Variants in PKD1L1 observed in about 807,000 individuals in gnomAD.
PKD1L1 encodes polycystin-1-like protein 1.
A neutral mutation model predicts 323.4 loss-of-function variants in PKD1L1; 236 were observed. The ratio of observed to expected loss-of-function variants is 0.73; its 90% CI spans 0.66 to 0.81. The LOEUF (loss-of-function observed/expected upper bound fraction) is 0.81, where lower values mean the gene tolerates loss of function less well. Ranked by LOEUF, PKD1L1 falls within the 40% of genes least tolerant of loss-of-function variation. PKD1L1 has a pLI of 0.00. For synonymous variants in PKD1L1, 1,344 were observed against 1,335.0 expected, an observed-to-expected ratio of 1.01 and a Z score of -0.15; for missense variants, 3,320 against 3,508.0, an observed-to-expected ratio of 0.95 and a Z score of 1.35.
chr7:47,850,337 T>C (rs1406539479), intron 31 of PKD1L1, among the ~76,000 whole-genome samples: 5 of 152,086 alleles, frequency 3.3e-5, no homozygotes, highest in Non-Finnish European at 7.4e-5. Context: ...CATAAATTAA[T>C]GTTAAAAAAT....
intron 14 of PKD1L1, among the ~76,000 whole-genome samples, chr7:47,894,866 A>AG: frequency 6.6e-6 from 1 of 151,626 alleles, no homozygotes; most frequent in South Asian, 2.1e-4. Context: ...AAAAAAAAAA[A>AG]AAAACTGACG....
At chr7:47,841,730 C>T (rs1443722954) in intron 34 of PKD1L1, among the ~76,000 whole-genome samples, 1 of 152,140 alleles carries the variant, frequency 6.6e-6, no homozygotes, top group Non-Finnish European at 1.5e-5. Flanking sequence ...ATAGTTCCTT[C>T]ATGATGGTCT....
intron 8 of PKD1L1, among the ~76,000 whole-genome samples, chr7:47,909,481 G>A (rs1250439659): frequency 6.6e-6 from 1 of 152,136 alleles, no homozygotes; most frequent in Non-Finnish European, 1.5e-5. Flanking sequence ...CACCTACCAT[G>A]AGCCTCTTTG....
In PKD1L1 at chr7:47,825,136, C is replaced by T. The variant is rs188163925; in HGVS notation, c.6854+2214G>A. Among the ~76,000 whole-genome samples the T allele has an allele frequency of 1.1e-3, 173 of 152,320 alleles. 1 individual carries two copies. The highest frequency in any genetic ancestry group is 4.1e-3 in the African/African-American group (172 of 41,564). ...TTTTGGATTTTCACAGTTTAATTTGCAATTCTCTTACTGTAAGTGAAAGGG... is the reference window on the plus strand; with the variant it reads ...TTTTGGATTTTCACAGTTTAATTTGTAATTCTCTTACTGTAAGTGAAAGGG... On this transcript the variant is annotated intron_variant, in intron 45 of 56. Transcript: ENST00000289672.
intron 17 of PKD1L1, among the ~76,000 whole-genome samples, 185 bp downstream of exon 17, chr7:47,887,805 G>T (rs884596): frequency 6.6e-6 from 1 of 152,020 alleles, no homozygotes; most frequent in Admixed American, 6.5e-5. Flanking sequence ...CTCTTCTGCT[G>T]GTGCCTCACA....
intron 7 of PKD1L1, among the ~76,000 whole-genome samples, chr7:47,922,765 C>T (rs1346935419): frequency 2.0e-5 from 3 of 151,804 alleles, no homozygotes; most frequent in Admixed American, 6.6e-5. Flanking sequence ...GGGGCAGCCC[C>T]CACCCCGGCC....
At chr7:47,898,313 G>T (rs1787005310) in intron 13 of PKD1L1, 119 bp from the exon 14 acceptor site, 1 of 811,874 alleles carries the variant, frequency 1.2e-6, no homozygotes, top group Non-Finnish European at 1.9e-6. Context: ...CATAGTGACA[G>T]AATGGTATTC....
rs115954191 is a variant in PKD1L1, at chr7:47,825,068, G to A, written c.6854+2282C>T. On this transcript the variant is annotated intron_variant, in intron 45 of 56. Coordinates refer to ENST00000289672, the MANE Select transcript of PKD1L1 (RefSeq NM_138295.5). The stretch of plus-strand genomic sequence containing the variant: ...CATTTACACCAGCACTGTGTGAAAT[G>A]CTCTATTTGACATAGCCTCACTAAC... Among the ~76,000 whole-genome samples the A allele has an allele frequency of 4.5e-3, 689 of 152,270 alleles. 7 individuals carry two copies. The highest frequency in any genetic ancestry group is 0.015 in the African/African-American group (642 of 41,550).
intron 24 of PKD1L1, among the ~76,000 whole-genome samples, chr7:47,870,447 G>A (rs1381875556): frequency 1.3e-5 from 2 of 151,914 alleles, no homozygotes; most frequent in Non-Finnish European, 2.9e-5. Context: ...TGACCATATA[G>A]AAATAAAAAG....
chr7:47,937,064 T>C, intron 3 of PKD1L1, 106 bp from the exon 4 acceptor site: 1 of 848,206 alleles, frequency 1.2e-6, no homozygotes, highest in Non-Finnish European at 1.9e-6. Flanking sequence ...GGACCCCTGC[T>C]GTGCGCCCAG....
intron 7 of PKD1L1, among the ~76,000 whole-genome samples, chr7:47,922,734 GCCGC>G (rs1201111319): frequency 4.6e-4 from 70 of 151,526 alleles, no homozygotes; most frequent in African/African-American, 1.6e-3. Context: ...CGTCCGGCCA[GCCGC>G]CCCGTTGGGG....
At chr7:47,901,073 T>C (rs942725302) in intron 13 of PKD1L1, among the ~76,000 whole-genome samples, 1 of 152,026 alleles carries the variant, frequency 6.6e-6, no homozygotes, top group African/African-American at 2.4e-5. Flanking sequence ...GGCAGGGTCC[T>C]TCAGGTCCAT....
chr7:47,796,807 G>A (rs1380390787), intron 54 of PKD1L1, among the ~76,000 whole-genome samples: 3 of 138,852 alleles, frequency 2.2e-5, no homozygotes, highest in African/African-American at 8.3e-5. Flanking sequence ...CTAACATGGT[G>A]AAACCCTGTC....
In PKD1L1 at chr7:47,934,539, C is replaced by T. The variant is rs374216068; in HGVS notation, c.398+2307G>A. Among the ~76,000 whole-genome samples the T allele has an allele frequency of 1.3e-3, 201 of 152,278 alleles. 1 individual carries two copies. Among genetic ancestry groups the T allele is most frequent in the African/African-American group, 4.7e-3 (197 of 41,550 alleles). ...TCCTAGTCACTTGCTTCCTATTTTT[C>T]CTTTTATATCCCTTTAGTTCTTAAT... On this transcript the variant is annotated intron_variant, in intron 4 of 56. Coordinates refer to ENST00000289672, the MANE Select transcript of PKD1L1 (RefSeq NM_138295.5).
chr7:47,794,766 A>G (rs1784482520), intron 55 of PKD1L1, among the ~76,000 whole-genome samples: 1 of 152,198 alleles, frequency 6.6e-6, no homozygotes, highest in South Asian at 2.1e-4. Flanking sequence ...ACAGGGGCAG[A>G]GCTGCCCAAG....
chr7:47,902,409 C>A lies in PKD1L1; in HGVS notation c.2034G>T (p.Leu678=). ...FIVCEPCQPP[L]VKNMGPGKVQ... is the part of the protein sequence containing the mutation. ...CTTTCCCAGGCCCCATGTTCTTCACCAGGGGTGGCTGGCAGGGCTCGCACA... is the reference window on the plus strand; with the variant it reads ...CTTTCCCAGGCCCCATGTTCTTCACAAGGGGTGGCTGGCAGGGCTCGCACA... The change falls in exon 13 of 57, where the codon CTG becomes CTT. Residue 678 remains leucine, a synonymous_variant. Coordinates refer to ENST00000289672, the MANE Select transcript of PKD1L1 (RefSeq NM_138295.5). 6.2e-7 allele frequency: 1 copy of A among 1,614,166 alleles called. No homozygotes were observed. Among genetic ancestry groups the A allele is most frequent in the Non-Finnish European group, 8.5e-7 (1 of 1,180,014 alleles).
In PKD1L1 at chr7:47,877,541, T is replaced by C; in HGVS notation, c.3611A>G (p.His1204Arg). ...RDMACQVQPH[H>R]GLEAHTVFSV... The stretch of plus-strand genomic sequence containing the variant: ...GAAGACGGTGTGTGCTTCCAGACCA[T>C]GGTGGGGCTGCACCTGACAGGCCAT... The change falls in exon 22 of 57, where the codon CAT becomes CGT. Residue 1204 changes from histidine (H) to arginine (R), a missense_variant. Physicochemically the swap from His to Arg is conservative, Grantham distance 29. Coordinates refer to ENST00000289672, the MANE Select transcript of PKD1L1 (RefSeq NM_138295.5). 1.2e-6 allele frequency: 2 copies of C among 1,613,822 alleles called. No homozygotes were observed. The highest frequency in any genetic ancestry group is 1.7e-6 in the Non-Finnish European group (2 of 1,179,912).
chr7:47,880,276 A>ATTTT (rs1786517544), intron 21 of PKD1L1, among the ~76,000 whole-genome samples: 1 of 74,736 alleles, frequency 1.3e-5, no homozygotes, highest in African/African-American at 7.0e-5. Flanking sequence ...ATATATATAT[A>ATTTT]TATATATATT....
chr7:47,892,978 C>A (rs1438221622), intron 15 of PKD1L1, among the ~76,000 whole-genome samples: 1 of 152,096 alleles, frequency 6.6e-6, no homozygotes, highest in Non-Finnish European at 1.5e-5. Flanking sequence ...CGCCTGAAAT[C>A]CCAGCACTTT....
Sources: gnomAD v4.1 joint callset for allele counts (sites outside exome capture counted in the v4.1 genomes callset) on GRCh38, gnomAD v4.1.1 for gene constraint, MANE v1.5 for transcripts, NCBI Gene and HGNC (gene_info 2026-07-23, HGNC 2026-07-21) for gene names.